The following ILDR2 variants were observed in gnomAD, a reference collection of about 807,000 sequenced individuals.
The protein encoded by ILDR2 is immunoglobulin-like domain-containing receptor 2.
A neutral mutation model predicts 66.8 loss-of-function variants in ILDR2; 25 were observed. The ratio of observed to expected loss-of-function variants is 0.37; its 90% CI spans 0.27 to 0.52. ILDR2 has a LOEUF of 0.52. Ranked by LOEUF, ILDR2 falls within the 20% of genes least tolerant of loss-of-function variation. ILDR2 has a pLI of 0.88. For missense variants in ILDR2, 827 were observed against 876.8 expected (o/e 0.94, Z 0.72); for synonymous variants, 367 against 357.2 (o/e 1.03, Z -0.31).
rs771613984 is a variant in ILDR2, at chr1:166,936,533, G to T, written c.703+58C>A. ...GGAACCCAGCGCACACAGCTGTCAGGTAGAGAGGTAGACATTTCTCTCGAT... is the reference window on the plus strand; with the variant it reads ...GGAACCCAGCGCACACAGCTGTCAGTTAGAGAGGTAGACATTTCTCTCGAT... On this transcript the variant is annotated intron_variant, in intron 5 of 9. Coordinates refer to ENST00000271417, the MANE Select transcript of ILDR2 (RefSeq NM_199351.3). This position sits in a 1 kb window ranked among gnomAD's most constrained non-coding sequence, Gnocchi z 5.0. 4.3e-6 allele frequency: 7 copies of T among 1,610,644 alleles called. No homozygotes were observed. Among genetic ancestry groups the T allele is most frequent in the Non-Finnish European group, 5.9e-6 (7 of 1,178,086 alleles).
At chr1:166,906,894 G>A (rs907583888), downstream of ILDR2, among the ~76,000 whole-genome samples, 15 of 152,252 alleles carry the variant, frequency 9.9e-5, no homozygotes, top group African/African-American at 3.4e-4. Flanking sequence ...CTAGGGTTTC[G>A]CCTGGACCTA....
chr1:166,946,412 A>C (rs1012013581), intron 3 of ILDR2, among the ~76,000 whole-genome samples: 1 of 152,184 alleles, frequency 6.6e-6, no homozygotes, highest in African/African-American at 2.4e-5. Context: ...CTGAAACCGA[A>C]TTCTATCCAT....
At chr1:166,964,884 C>T (rs1474529282) in intron 1 of ILDR2, among the ~76,000 whole-genome samples, 4 of 152,196 alleles carry the variant, frequency 2.6e-5, no homozygotes, top group African/African-American at 7.2e-5. Context: ...TTATTTTTAG[C>T]ACTTTCATTT....
rs1409354739 is a variant in ILDR2, at chr1:166,914,973, T to C, written c.*4382A>G. 2.0e-5 allele frequency: 3 copies of C among 152,220 alleles called. No homozygotes were observed. Among genetic ancestry groups the C allele is most frequent in the Non-Finnish European group, 4.4e-5 (3 of 68,040 alleles). 9.4% of individuals were successfully genotyped at this position (152,220 alleles called of 1,614,324 possible). A position where few individuals can be genotyped will look rare whatever the true frequency, so the allele number is the denominator to read the frequency against. ...GCTATTGGCCAGTCATCCTTATGATTTGTATGCTTTATAAAATGATTGAGT... is the reference window on the plus strand; with the variant it reads ...GCTATTGGCCAGTCATCCTTATGATCTGTATGCTTTATAAAATGATTGAGT... On this transcript the variant is annotated 3_prime_UTR_variant, in exon 10 of 10. Transcript: ENST00000271417.
At chr1:166,903,086 C>G (rs1206030661) in intron 2 of ILDR2, among the ~76,000 whole-genome samples, 1 of 152,230 alleles carries the variant, frequency 6.6e-6, no homozygotes, top group Non-Finnish European at 1.5e-5. Flanking sequence ...CTCTCGTCTT[C>G]CTGTAATCTG....
chr1:166,902,996 C>T (rs1226052469), intron 2 of ILDR2, among the ~76,000 whole-genome samples: 1 of 152,148 alleles, frequency 6.6e-6, no homozygotes, highest in Non-Finnish European at 1.5e-5. Context: ...CCTGTATATC[C>T]TTCTCCACTG....
chr1:166,962,568 C>T (rs1381453199), intron 1 of ILDR2, among the ~76,000 whole-genome samples: 1 of 152,148 alleles, frequency 6.6e-6, no homozygotes, highest in Non-Finnish European at 1.5e-5. Flanking sequence ...GAACTGGTAG[C>T]TAATTTGGGT....
chr1:166,965,585 T>C lies in ILDR2; in HGVS notation c.47-7484A>G, dbSNP rs1169205742. ...GTTAGGTTTTGTTTTTTTTTTTGTT[T>C]TTTTTTTGACAGGGTCTCTCTCTGT... On this transcript the variant is annotated intron_variant, in intron 1 of 9. Transcript: ENST00000271417. Among the ~76,000 whole-genome samples the C allele has an allele frequency of 2.7e-5, 4 of 149,632 alleles. 1 individual carries two copies. The highest frequency in any genetic ancestry group is 4.4e-5 in the Non-Finnish European group (3 of 67,496).
chr1:166,973,620 C>T lies in ILDR2; in HGVS notation c.46+1603G>A, dbSNP rs538366977. ...TCTGACTCAGGGACCCCTCCCCCCCCCCCCCGATGCCTGGCTGACTTCAGT... is the reference window on the plus strand; with the variant it reads ...TCTGACTCAGGGACCCCTCCCCCCCTCCCCCGATGCCTGGCTGACTTCAGT... On this transcript the variant is annotated intron_variant, in intron 1 of 9. Coordinates refer to ENST00000271417, the MANE Select transcript of ILDR2 (RefSeq NM_199351.3). Among the ~76,000 whole-genome samples, 12 of 102,142 alleles carry T rather than the reference C, an allele frequency of 1.2e-4. 2 individuals carry two copies. Among genetic ancestry groups the T allele is most frequent in the Admixed American group, 8.2e-5 (1 of 12,130 alleles). 67.0% of individuals were successfully genotyped at this position (102,142 alleles called of 152,430 possible).
chr1:166,908,591 A>C lies in ILDR2; in HGVS notation c.*10764T>G, dbSNP rs1659395370. ...GCCCAGCATTAAGTATTTTTCTTGAAACTGTCTGGAACCTCTAACAAAAAA... is the reference window on the plus strand; with the variant it reads ...GCCCAGCATTAAGTATTTTTCTTGACACTGTCTGGAACCTCTAACAAAAAA... On this transcript the variant is annotated 3_prime_UTR_variant, in exon 10 of 10. Transcript: ENST00000271417. 1 of 152,194 alleles carries C rather than the reference A, an allele frequency of 6.6e-6. No individual in the cohort carries two copies. The highest frequency in any genetic ancestry group is 1.5e-5 in the Non-Finnish European group (1 of 68,036). The allele number at this position is 152,194 out of a possible 1,614,324, so 9.4% of individuals were successfully genotyped here.
intron 1 of ILDR2, among the ~76,000 whole-genome samples, chr1:166,959,484 A>G (rs72689305): frequency 0.017 from 2,552 of 152,328 alleles, 20 homozygotes; most frequent in African/African-American, 0.028. Context: ...CAGAGATGAA[A>G]AGGAAAATAA....
At position 166,916,708 on chromosome 1, in the gene ILDR2, G is replaced by T. The variant is rs895309464; in HGVS notation, c.*2647C>A. On this transcript the variant is annotated 3_prime_UTR_variant, in exon 10 of 10. Coordinates refer to ENST00000271417, the MANE Select transcript of ILDR2 (RefSeq NM_199351.3). ...CCTGGAAGTCTGAATGATTTATCCA[G>T]TTCTACAAAGGACAACCTGGTCCCA... 1.3e-5 allele frequency: 2 copies of T among 152,204 alleles called. No homozygotes were observed. Among genetic ancestry groups the T allele is most frequent in the Non-Finnish European group, 2.9e-5 (2 of 68,040 alleles). The allele number at this position is 152,204 out of a possible 1,614,324, so 9.4% of individuals were successfully genotyped here.
At position 166,910,836 on chromosome 1, in the gene ILDR2, T is replaced by C. The variant is rs189816695; in HGVS notation, c.*8519A>G. ...AAATTGGATTAGAATTAGATAATCATAGGGAAAAATGAATTATTTGTTTTG... is the reference window on the plus strand; with the variant it reads ...AAATTGGATTAGAATTAGATAATCACAGGGAAAAATGAATTATTTGTTTTG... On this transcript the variant is annotated 3_prime_UTR_variant, in exon 10 of 10. Transcript: ENST00000271417. The C allele has an allele frequency of 1.4e-4, 21 of 152,380 alleles. No individual in the cohort carries two copies. Among genetic ancestry groups the C allele is most frequent in the Admixed American group, 1.0e-3 (16 of 15,306 alleles). 9.4% of individuals were successfully genotyped at this position (152,380 alleles called of 1,614,324 possible). A position where few individuals can be genotyped will look rare whatever the true frequency, so the allele number is the denominator to read the frequency against.
At chr1:166,957,003 G>T in intron 2 of ILDR2, 151 bp from the exon 3 acceptor site, 1 of 747,658 alleles carries the variant, frequency 1.3e-6, no homozygotes, top group Non-Finnish European at 2.1e-6. Context: ...TGTGTGCTTT[G>T]CTTAAAACAA....
chr1:166,947,701 G>A (rs1051162792), intron 3 of ILDR2, among the ~76,000 whole-genome samples: 3 of 152,086 alleles, frequency 2.0e-5, no homozygotes, highest in Non-Finnish European at 2.9e-5. Context: ...GGGTCCACCC[G>A]ACTACAATGC....
intron 3 of ILDR2, among the ~76,000 whole-genome samples, chr1:166,940,917 T>C (rs912138348): frequency 2.0e-5 from 3 of 152,172 alleles, no homozygotes; most frequent in African/African-American, 7.2e-5. Flanking sequence ...TGTCCCTTCC[T>C]CTATCAAGTC....
intron 1 of ILDR2, among the ~76,000 whole-genome samples, chr1:166,970,327 T>C (rs1663210644): frequency 6.6e-6 from 1 of 152,046 alleles, no homozygotes; most frequent in Non-Finnish European, 1.5e-5. Flanking sequence ...TTTGAGAAAG[T>C]CTGAAAAAAA....
At position 166,919,316 on chromosome 1, in the gene ILDR2, A is replaced by G. The variant is rs762463246; in HGVS notation, c.*39T>C. ...GATTTGTGTCTTGTCCCCGTAGTCC[A>G]TGTCTGATTTCTCATTATCCAGAGA... On this transcript the variant is annotated 3_prime_UTR_variant, in exon 10 of 10. Coordinates refer to ENST00000271417, the MANE Select transcript of ILDR2 (RefSeq NM_199351.3). 2 of 1,588,634 alleles carry G rather than the reference A, an allele frequency of 1.3e-6. No individual in the cohort carries two copies. Among genetic ancestry groups the G allele is most frequent in the African/African-American group, 1.3e-5 (1 of 74,470 alleles).
intron 6 of ILDR2, among the ~76,000 whole-genome samples, chr1:166,930,518 A>G (rs1318301694): frequency 6.6e-6 from 1 of 152,220 alleles, no homozygotes; most frequent in Admixed American, 6.5e-5. Flanking sequence ...TCTAAAAGCT[A>G]TTGGACTTTT....
Sources: gnomAD v4.1 joint callset for allele counts (sites outside exome capture counted in the v4.1 genomes callset) on GRCh38, gnomAD v4.1.1 for gene constraint, Gnocchi (gnomAD v3.1) non-coding constraint, MANE v1.5 for transcripts, NCBI Gene and HGNC (gene_info 2026-07-23, HGNC 2026-07-21) for gene names.